The following CELF2 variants were observed in gnomAD, a reference collection of about 807,000 sequenced individuals.
The protein encoded by CELF2 is CUGBP Elav-like family member 2.
A neutral mutation model predicts 62.6 loss-of-function variants in CELF2; 8 were observed. The observed-to-expected ratio is 0.13, with a 90% CI of 0.07 to 0.23. CELF2 has a LOEUF of 0.23. Ranked by LOEUF, CELF2 falls within the 10% of genes least tolerant of loss-of-function variation. The pLI is 1.00. For missense variants in CELF2, 333 were observed against 671.0 expected (o/e 0.50, Z 5.56); for synonymous variants, 258 against 250.0 (o/e 1.03, Z -0.30).
the CELF2 span, among the ~76,000 whole-genome samples, chr10:10,543,803 C>T: frequency 6.6e-6 from 1 of 151,886 alleles, no homozygotes; most frequent in African/African-American, 2.4e-5. Flanking sequence ...TATAATGCCC[C>T]CTCTCCCGCT....
intron 1 of CELF2, among the ~76,000 whole-genome samples, chr10:10,895,861 C>T (rs1296301151): frequency 7.9e-5 from 12 of 152,134 alleles, no homozygotes; most frequent in Admixed American, 7.9e-4. Flanking sequence ...ATGGGATGAA[C>T]TCTAAGCTCC....
the CELF2 span, among the ~76,000 whole-genome samples, chr10:10,495,899 T>C: frequency 1.3e-5 from 2 of 152,232 alleles, no homozygotes; most frequent in Non-Finnish European, 2.9e-5. Flanking sequence ...TTAAAGTTTA[T>C]TTCTACTTAA....
the CELF2 span, among the ~76,000 whole-genome samples, chr10:10,791,349 C>G: frequency 2.0e-5 from 3 of 151,016 alleles, no homozygotes; most frequent in East Asian, 5.8e-4. Flanking sequence ...ATTCAAGAAA[C>G]CAGTTGGAGC....
chr10:10,750,640 A>G, the CELF2 span, among the ~76,000 whole-genome samples: 4 of 152,266 alleles, frequency 2.6e-5, no homozygotes, highest in African/African-American at 9.6e-5. Context: ...AAATAAATTT[A>G]TTCACGCAAA....
At chr10:10,857,410 T>C (rs2059780399) in intron 1 of CELF2, among the ~76,000 whole-genome samples, 1 of 151,536 alleles carries the variant, frequency 6.6e-6, no homozygotes, top group East Asian at 1.9e-4. Context: ...AGCCTTGGAG[T>C]AAAGGCTAAT....
chr10:10,895,179 G>T (rs1156658178), intron 1 of CELF2, among the ~76,000 whole-genome samples: 2 of 152,136 alleles, frequency 1.3e-5, no homozygotes, highest in Non-Finnish European at 2.9e-5. Context: ...TCAAACCCCT[G>T]AGCCCAGCTG....
At chr10:10,871,207 G>A (rs928384399) in intron 1 of CELF2, among the ~76,000 whole-genome samples, 1 of 152,100 alleles carries the variant, frequency 6.6e-6, no homozygotes, top group South Asian at 2.1e-4. Context: ...TGCAAAGAAG[G>A]GTTCTTTTCT....
chr10:10,629,389 T>C, the CELF2 span, among the ~76,000 whole-genome samples: 1 of 152,204 alleles, frequency 6.6e-6, no homozygotes, highest in Non-Finnish European at 1.5e-5. Context: ...GCTCACAAAA[T>C]GCACCCCTAT....
chr10:10,656,844 A>G, the CELF2 span, among the ~76,000 whole-genome samples: 1 of 150,562 alleles, frequency 6.6e-6, no homozygotes, highest in Non-Finnish European at 1.5e-5. Flanking sequence ...CAGAATGTGC[A>G]CATGTACCCT....
In CELF2 at chr10:10,899,866, C is replaced by A. The variant is rs375483974; in HGVS notation, c.54-20098C>A. On this transcript the variant is annotated intron_variant, in intron 1 of 13. Transcript: ENST00000636488. Reference sequence around the variant, plus strand: ...AACAGCACTAAAGGGAAATCTGCCCCCATGATCCAGTCACCTCCCATCAGG... The same window carrying A: ...AACAGCACTAAAGGGAAATCTGCCCACATGATCCAGTCACCTCCCATCAGG... 3.3e-5 allele frequency among the ~76,000 whole-genome samples: 5 copies of A among 152,172 alleles called. No homozygotes were observed. The East Asian group carries it at 5.8e-4, about 18-fold the overall frequency.
the CELF2 span, among the ~76,000 whole-genome samples, chr10:10,543,205 G>T: frequency 6.6e-6 from 1 of 152,182 alleles, no homozygotes; most frequent in Non-Finnish European, 1.5e-5. Context: ...GTAGAGAAAT[G>T]GTTGGTCTCA....
intron 1 of CELF2, among the ~76,000 whole-genome samples, chr10:10,895,822 G>A (rs2062511413): frequency 6.6e-6 from 1 of 152,096 alleles, no homozygotes; most frequent in South Asian, 2.1e-4. Context: ...GACAATGAAG[G>A]GCAGTGATCT....
At position 11,255,571 on chromosome 10, in the gene CELF2, G is replaced by A. The variant is rs945189798; in HGVS notation, c.404-2167G>A. On this transcript the variant is annotated intron_variant, in intron 4 of 12. Transcript: ENST00000633077. The surrounding 1 kb of genome is among the most constrained non-coding windows in gnomAD (Gnocchi z 5.5). ...TGGGTGCACGATTCGTAGTTTACAAGTATTGTGGAATCGTGCCTTTCAACT... is the reference window on the plus strand; with the variant it reads ...TGGGTGCACGATTCGTAGTTTACAAATATTGTGGAATCGTGCCTTTCAACT... 6.6e-6 allele frequency among the ~76,000 whole-genome samples: 1 copy of A among 152,178 alleles called. No individual in the cohort carries two copies. The highest frequency in any genetic ancestry group is 1.5e-5 in the Non-Finnish European group (1 of 68,046).
chr10:10,549,749 C>T, the CELF2 span, among the ~76,000 whole-genome samples: 1 of 152,180 alleles, frequency 6.6e-6, no homozygotes. Context: ...AATTTATGAC[C>T]TCTCAGAAGA....
intron 2 of CELF2, among the ~76,000 whole-genome samples, chr10:10,920,860 A>G (rs2064832433): frequency 6.6e-6 from 1 of 151,784 alleles, no homozygotes; most frequent in Admixed American, 6.6e-5. Flanking sequence ...GGAGGGAGGA[A>G]GGGGCAATAA....
intron 2 of CELF2, among the ~76,000 whole-genome samples, chr10:11,199,744 T>A (rs574933383): frequency 6.6e-6 from 1 of 152,384 alleles, no homozygotes; most frequent in East Asian, 1.9e-4. Flanking sequence ...GAATTTTTTT[T>A]ATTCTATGCA....
intron 2 of CELF2, among the ~76,000 whole-genome samples, chr10:11,198,590 A>C (rs769231065): frequency 6.6e-6 from 1 of 152,250 alleles, no homozygotes; most frequent in Non-Finnish European, 1.5e-5. Context: ...TTCTGAAAGC[A>C]GTCAGAACAT....
intron 1 of CELF2, among the ~76,000 whole-genome samples, chr10:11,139,913 C>A (rs2061045607): frequency 6.6e-6 from 1 of 151,792 alleles, no homozygotes; most frequent in Non-Finnish European, 1.5e-5. Context: ...CCTCTCTCAT[C>A]GGCTCATTTC....
chr10:10,866,676 G>C (rs2060392781), intron 1 of CELF2, among the ~76,000 whole-genome samples: 1 of 151,078 alleles, frequency 6.6e-6, no homozygotes, highest in Non-Finnish European at 1.5e-5. Context: ...TGTGGTGAGG[G>C]CCGGGCGCGG....
Sources: allele counts gnomAD v4.1 joint callset (sites outside exome capture counted in the v4.1 genomes callset), GRCh38; gene constraint gnomAD v4.1.1; non-coding constraint Gnocchi (gnomAD v3.1); transcripts MANE v1.5; gene names NCBI Gene and HGNC (gene_info 2026-07-23, HGNC 2026-07-21).